The following SMAP1 variants were observed in gnomAD, a reference collection of about 807,000 sequenced individuals.
The protein encoded by SMAP1 is small ArfGAP 1, also known as stromal membrane-associated protein 1.
In SMAP1, 24 loss-of-function variants were observed where a neutral mutation model predicts 58.5. The ratio of observed to expected loss-of-function variants is 0.41; its 90% CI spans 0.30 to 0.58. The LOEUF is 0.58. Ranked by LOEUF, SMAP1 falls within the 20% of genes least tolerant of loss-of-function variation. The pLI is 0.29. For synonymous variants in SMAP1, 216 were observed against 196.6 expected (o/e 1.10, Z -0.82); for missense variants, 563 against 566.3 (o/e 0.99, Z 0.06).
intron 1 of SMAP1, among the ~76,000 whole-genome samples, chr6:70,718,279 G>A (rs781290925): frequency 6.6e-6 from 1 of 151,998 alleles, no homozygotes; most frequent in Non-Finnish European, 1.5e-5. Flanking sequence ...CTGGGATGAG[G>A]GTAAAGTCAT....
At chr6:70,826,330 T>C (rs2149987186) in intron 6 of SMAP1, among the ~76,000 whole-genome samples, 1 of 152,194 alleles carries the variant, frequency 6.6e-6, no homozygotes, top group East Asian at 1.9e-4. Flanking sequence ...AGAAGGAAAA[T>C]GTAGTGGATT....
chr6:70,758,170 C>A (rs1766587751), intron 3 of SMAP1, among the ~76,000 whole-genome samples: 1 of 151,060 alleles, frequency 6.6e-6, no homozygotes, highest in East Asian at 1.9e-4. Flanking sequence ...CACATATACA[C>A]CATGGAATAC....
At chr6:70,851,071 A>T (rs1771166870) in intron 7 of SMAP1, among the ~76,000 whole-genome samples, 1 of 152,112 alleles carries the variant, frequency 6.6e-6, no homozygotes, top group African/African-American at 2.4e-5. Flanking sequence ...CTTGATATAG[A>T]TATGTATAAT....
At chr6:70,835,028 T>A (rs1246036815) in intron 6 of SMAP1, among the ~76,000 whole-genome samples, 1 of 150,824 alleles carries the variant, frequency 6.6e-6, no homozygotes, top group Non-Finnish European at 1.5e-5. Flanking sequence ...GGCTAGCGGA[T>A]CATGAGGTCA....
At chr6:70,793,444 C>T (rs2149946122) in intron 5 of SMAP1, among the ~76,000 whole-genome samples, 1 of 152,234 alleles carries the variant, frequency 6.6e-6, no homozygotes, top group Admixed American at 6.5e-5. Flanking sequence ...CTATCTTGAA[C>T]ATCTTAGTAG....
intron 5 of SMAP1, among the ~76,000 whole-genome samples, chr6:70,795,094 G>T (rs1447689109): frequency 1.3e-5 from 2 of 152,122 alleles, no homozygotes; most frequent in South Asian, 4.1e-4. Context: ...TTGCTATTGT[G>T]AATAGTGCTG....
chr6:70,728,803 G>A (rs2149856817), intron 1 of SMAP1, among the ~76,000 whole-genome samples: 1 of 152,290 alleles, frequency 6.6e-6, no homozygotes, highest in East Asian at 1.9e-4. Context: ...GTGTAAACTG[G>A]TAATGGAATT....
chr6:70,857,086 A>T, intron 9 of SMAP1, 56 bp downstream of exon 9: 1 of 1,461,908 alleles, frequency 6.8e-7, no homozygotes, highest in Non-Finnish European at 9.2e-7. Flanking sequence ...ATCCTTTGTA[A>T]TTATATAATA....
chr6:70,844,495 G>C (rs1770917883), intron 7 of SMAP1, among the ~76,000 whole-genome samples: 1 of 152,216 alleles, frequency 6.6e-6, no homozygotes, highest in Non-Finnish European at 1.5e-5. Flanking sequence ...TGGCACAGTA[G>C]ACTGGCATTT....
chr6:70,753,426 T>C (rs1273356350), intron 2 of SMAP1, among the ~76,000 whole-genome samples: 1 of 152,178 alleles, frequency 6.6e-6, no homozygotes, highest in East Asian at 1.9e-4. Flanking sequence ...TTGGTCTAGT[T>C]CTTTCCAAAT....
intron 6 of SMAP1, among the ~76,000 whole-genome samples, chr6:70,815,658 G>A (rs897297616): frequency 6.6e-6 from 1 of 152,110 alleles, no homozygotes; most frequent in Admixed American, 6.6e-5. Context: ...GGAATGTAGG[G>A]ATTTTAAAGA....
chr6:70,832,768 A>G (rs1243445668), intron 6 of SMAP1, among the ~76,000 whole-genome samples: 1 of 152,192 alleles, frequency 6.6e-6, no homozygotes, highest in Non-Finnish European at 1.5e-5. Context: ...CTTGATAACT[A>G]ACCTATGCCT....
chr6:70,756,238 G>C (rs188333898), intron 3 of SMAP1, among the ~76,000 whole-genome samples: 1 of 151,976 alleles, frequency 6.6e-6, no homozygotes, highest in African/African-American at 2.4e-5. Flanking sequence ...GTTTATTAAC[G>C]ATCAATTATA....
chr6:70,758,412 C>G (rs2149893736), intron 3 of SMAP1, among the ~76,000 whole-genome samples: 1 of 149,214 alleles, frequency 6.7e-6, no homozygotes, highest in Non-Finnish European at 1.5e-5. Context: ...GGAGATATAC[C>G]TAATGCTAGA....
At chr6:70,691,417 C>T (rs1343398037) in intron 1 of SMAP1, among the ~76,000 whole-genome samples, 4 of 152,064 alleles carry the variant, frequency 2.6e-5, no homozygotes, top group Admixed American at 2.6e-4. Context: ...ATGAGGTTTC[C>T]ATCACCTCAA....
At chr6:70,814,885 G>C (rs1038373769) in intron 6 of SMAP1, among the ~76,000 whole-genome samples, 1 of 152,150 alleles carries the variant, frequency 6.6e-6, no homozygotes, top group Non-Finnish European at 1.5e-5. Flanking sequence ...AACACACTGT[G>C]TTGTTAGCTT....
At position 70,681,141 on chromosome 6, in the gene SMAP1, A is replaced by G. The variant is rs369881485; in HGVS notation, c.118+13000A>G. On this transcript the variant is annotated intron_variant, in intron 1 of 10. Coordinates refer to ENST00000370455, the MANE Select transcript of SMAP1 (RefSeq NM_001044305.3). ...AAAAAAAAAATACAATGCATAGGCTAGGAATGGTGGCTCACACCTCTAATC... is the reference window on the plus strand; with the variant it reads ...AAAAAAAAAATACAATGCATAGGCTGGGAATGGTGGCTCACACCTCTAATC... Among the ~76,000 whole-genome samples, 14 of 152,150 alleles carry G rather than the reference A, an allele frequency of 9.2e-5. No individual in the cohort carries two copies. In the East Asian group the frequency reaches 1.4e-3, roughly 15 times the overall value.
intron 3 of SMAP1, among the ~76,000 whole-genome samples, chr6:70,766,921 G>A (rs1767014133): frequency 6.6e-6 from 1 of 152,024 alleles, no homozygotes; most frequent in Admixed American, 6.6e-5. Flanking sequence ...ATTAATTTTT[G>A]TATAAGGTGT....
At position 70,695,520 on chromosome 6, in the gene SMAP1, T is replaced by C. The variant is rs139467199; in HGVS notation, c.118+27379T>C. ...ATGTTGAATTTTATCAGAATCTTTTTCAGTATCAGTTGAAATGATTATTTG... is the reference window on the plus strand; with the variant it reads ...ATGTTGAATTTTATCAGAATCTTTTCCAGTATCAGTTGAAATGATTATTTG... On this transcript the variant is annotated intron_variant, in intron 1 of 10. Transcript: ENST00000370455. Among the ~76,000 whole-genome samples the C allele has an allele frequency of 1.8e-3, 274 of 152,322 alleles. 1 individual carries two copies. The highest frequency in any genetic ancestry group is 6.8e-3 in the Middle Eastern group (2 of 294).
Sources: allele counts gnomAD v4.1 joint callset (sites outside exome capture counted in the v4.1 genomes callset), GRCh38; gene constraint gnomAD v4.1.1; transcripts MANE v1.5; gene names NCBI Gene and HGNC (gene_info 2026-07-23, HGNC 2026-07-21).